MLIP: variants seen among roughly 807,000 people sequenced by gnomAD.
MLIP encodes muscular LMNA interacting protein, also known as muscular LMNA-interacting protein.
MLIP carries 79 observed loss-of-function variants against 84.8 expected under a neutral mutation model. The observed-to-expected ratio is 0.93, with a 90% confidence interval of 0.78 to 1.12. The LOEUF (loss-of-function observed/expected upper bound fraction) is 1.12, where lower values mean the gene tolerates loss of function less well. Among genes scored for constraint, MLIP ranks in the 50% most tolerant of loss-of-function variants. The pLI is 0.00. For synonymous variants in MLIP, 504 were observed against 463.0 expected, an observed-to-expected ratio of 1.09 and a Z score of -1.14; for missense variants, 1,257 against 1,160.6, an observed-to-expected ratio of 1.08 and a Z score of -1.21.
At chr6:54,171,693 T>A (rs1222738015) in intron 9 of MLIP, among the ~76,000 whole-genome samples, 3 of 151,514 alleles carry the variant, frequency 2.0e-5, no homozygotes, top group African/African-American at 7.3e-5. Context: ...ATACAATATG[T>A]TCTGTTTTTT....
intron 1 of MLIP, among the ~76,000 whole-genome samples, chr6:54,093,763 G>A (rs1768022688): frequency 6.6e-6 from 1 of 152,178 alleles, no homozygotes; most frequent in East Asian, 1.9e-4. Context: ...TGACCCACCA[G>A]GCTAAAGGCT....
At chr6:54,208,892 A>G (rs1779226022) in intron 11 of MLIP, among the ~76,000 whole-genome samples, 1 of 152,184 alleles carries the variant, frequency 6.6e-6, no homozygotes, top group Admixed American at 6.5e-5. Flanking sequence ...CTGCCTTAAA[A>G]TGTTTTGTGT....
intron 10 of MLIP, among the ~76,000 whole-genome samples, chr6:54,198,000 T>C (rs142190666): frequency 6.6e-6 from 1 of 152,202 alleles, no homozygotes; most frequent in Non-Finnish European, 1.5e-5. Flanking sequence ...TAATAAAGCA[T>C]AGTCTGTTTT....
intron 3 of MLIP, among the ~76,000 whole-genome samples, chr6:54,136,442 G>T (rs1183674514): frequency 2.0e-5 from 3 of 152,094 alleles, no homozygotes; most frequent in Non-Finnish European, 4.4e-5. Context: ...TGCTGTCAAC[G>T]AATTATCTTC....
At chr6:54,252,065 TATAAC>T (rs1411198381) in intron 12 of MLIP, among the ~76,000 whole-genome samples, 1 of 96,154 alleles carries the variant, frequency 1.0e-5, no homozygotes, top group African/African-American at 4.5e-5. Flanking sequence ...ATATATATAT[TATAAC>T]ATATAATATA....
At chr6:54,160,274 T>C in intron 5 of MLIP, 93 bp from the exon 6 acceptor site, 1 of 939,634 alleles carries the variant, frequency 1.1e-6, no homozygotes, top group Non-Finnish European at 1.6e-6. Flanking sequence ...TTTCTTGGAA[T>C]ATTAATACAT....
intron 11 of MLIP, chr6:54,216,108 A>G: frequency 2.1e-6 from 2 of 967,820 alleles, no homozygotes; most frequent in Non-Finnish European, 2.5e-6. Flanking sequence ...AATTGTTAAG[A>G]ATGATACTGC....
intron 1 of MLIP, among the ~76,000 whole-genome samples, chr6:54,030,193 G>C (rs1454815059): frequency 6.6e-6 from 1 of 152,072 alleles, no homozygotes; most frequent in East Asian, 1.9e-4. Context: ...TTTTTGTTCT[G>C]TGAAGTGACA....
chr6:54,207,631 C>T (rs1316171607), intron 11 of MLIP, among the ~76,000 whole-genome samples: 2 of 152,180 alleles, frequency 1.3e-5, no homozygotes, highest in East Asian at 3.9e-4. Flanking sequence ...GACTTATTTG[C>T]CACTCTATCA....
chr6:54,101,132 T>A (rs972882071), intron 1 of MLIP, among the ~76,000 whole-genome samples: 7 of 152,160 alleles, frequency 4.6e-5, no homozygotes, highest in African/African-American at 1.7e-4. Context: ...TTTTTAGCTA[T>A]TGTGGACAAG....
rs775858030 is a variant in MLIP, at chr6:54,124,844, C to G, written c.624C>G (p.Ala208=). The G allele has an allele frequency of 1.9e-6, 3 of 1,596,502 alleles. No homozygotes were observed. The highest frequency in any genetic ancestry group is 2.7e-5 in the African/African-American group (2 of 74,284). ...SSHPEMLHGM[A]PQQKHGQLTS... ...ATCCTGAAATGCTTCATGGGATGGCCCCTCAGCAAAAGCATGGGCAGGTAG... is the reference window on the plus strand; with the variant it reads ...ATCCTGAAATGCTTCATGGGATGGCGCCTCAGCAAAAGCATGGGCAGGTAG... The change falls in exon 3 of 14, where the codon GCC becomes GCG. Residue 208 remains alanine, a synonymous_variant. Coordinates refer to ENST00000502396, the MANE Select transcript of MLIP (RefSeq NM_001281747.2).
In MLIP at chr6:54,204,315, A is replaced by AT. The variant is rs964540159; in HGVS notation, c.2718+2089dup. On this transcript the variant is annotated intron_variant, in intron 11 of 13. Coordinates refer to ENST00000502396, the MANE Select transcript of MLIP (RefSeq NM_001281747.2). ...AAATGGAAACTCCTGTGGGGAAAAC[A>AT]TTTTTTTATCATTAACAAAAGCACT... 3.9e-5 allele frequency among the ~76,000 whole-genome samples: 6 copies of AT among 152,236 alleles called. 1 individual carries two copies. Among genetic ancestry groups the AT allele is most frequent in the African/African-American group, 1.4e-4 (6 of 41,556 alleles).
intron 12 of MLIP, among the ~76,000 whole-genome samples, chr6:54,256,894 A>G (rs1263567485): frequency 6.6e-6 from 1 of 152,152 alleles, no homozygotes; most frequent in Non-Finnish European, 1.5e-5. Flanking sequence ...GGGTCTGAAC[A>G]TGACTTGTTG....
intron 1 of MLIP, among the ~76,000 whole-genome samples, chr6:54,059,745 A>C (rs944188331): frequency 6.6e-6 from 1 of 152,186 alleles, no homozygotes; most frequent in African/African-American, 2.4e-5. Context: ...TTTTTTTTAA[A>C]TAGCGTTTGG....
intron 13 of MLIP, among the ~76,000 whole-genome samples, chr6:54,258,907 A>G (rs1046926799): frequency 6.6e-6 from 1 of 151,934 alleles, no homozygotes; most frequent in Non-Finnish European, 1.5e-5. Flanking sequence ...TCTGTCTGGT[A>G]TCTAAATTAA....
At chr6:54,072,921 C>T (rs774553212) in intron 1 of MLIP, among the ~76,000 whole-genome samples, 2 of 152,138 alleles carry the variant, frequency 1.3e-5, no homozygotes, top group Non-Finnish European at 2.9e-5. Flanking sequence ...TTTTCTTCTT[C>T]TGCCTCAGGG....
At position 54,055,663 on chromosome 6, in the gene MLIP, CA is replaced by C. The variant is rs554926498; in HGVS notation, c.63+36577del. Among the ~76,000 whole-genome samples the C allele has an allele frequency of 3.4e-3, 504 of 150,184 alleles. 5 individuals are homozygous for C. The highest frequency in any genetic ancestry group is 0.012 in the African/African-American group (467 of 39,816). ...GAGGGGAAAGAGACAATAAAATAAA[CA>C]AAAATATAACAAACATGGAACACAT... is the stretch of plus-strand genomic sequence containing the variant. On this transcript the variant is annotated intron_variant, in intron 1 of 12. Coordinates refer to the MLIP transcript ENST00000274897.
intron 9 of MLIP, among the ~76,000 whole-genome samples, chr6:54,175,727 G>A (rs933855983): frequency 1.3e-5 from 2 of 151,792 alleles, no homozygotes; most frequent in Non-Finnish European, 2.9e-5. Flanking sequence ...TTCCAATTTA[G>A]GTGCCCTTTA....
At chr6:54,197,018 C>T (rs1778345832) in intron 10 of MLIP, among the ~76,000 whole-genome samples, 1 of 151,944 alleles carries the variant, frequency 6.6e-6, no homozygotes, top group Non-Finnish European at 1.5e-5. Flanking sequence ...ATACAAACTC[C>T]TAGAGGAGGC....
Sources: gnomAD v4.1 joint callset for allele counts (sites outside exome capture counted in the v4.1 genomes callset) on GRCh38, gnomAD v4.1.1 for gene constraint, MANE v1.5 for transcripts, NCBI Gene and HGNC (gene_info 2026-07-23, HGNC 2026-07-21) for gene names.